CNTN3: variants seen among roughly 807,000 people sequenced by gnomAD.
CNTN3 encodes contactin 3, also known as contactin-3.
Under a neutral mutation model 119.1 loss-of-function variants are expected in CNTN3, and 60 were observed. The ratio of observed to expected loss-of-function variants is 0.50; its 90% confidence interval spans 0.41 to 0.62. The LOEUF (loss-of-function observed/expected upper bound fraction) is 0.62, where lower values mean the gene tolerates loss of function less well. Among genes scored for constraint, CNTN3 ranks in the 20% least tolerant of loss-of-function variants. CNTN3 has a pLI of 0.00. For missense variants in CNTN3, 1,101 were observed against 1,242.4 expected, an observed-to-expected ratio of 0.89 and a Z score of 1.71; for synonymous variants, 450 against 438.7, an observed-to-expected ratio of 1.03 and a Z score of -0.32.
intron 13 of CNTN3, among the ~76,000 whole-genome samples, chr3:74,326,433 G>T (rs549332881): frequency 6.6e-6 from 1 of 151,950 alleles, no homozygotes; most frequent in Non-Finnish European, 1.5e-5. Flanking sequence ...AATAATTAGC[G>T]CATCTGTCAC....
chr3:74,472,956 C>G (rs1702591543), intron 4 of CNTN3, among the ~76,000 whole-genome samples: 1 of 152,002 alleles, frequency 6.6e-6, no homozygotes, highest in African/African-American at 2.4e-5. Context: ...TCAGATATAG[C>G]CAGCCACTCT....
intron 1 of CNTN3, among the ~76,000 whole-genome samples, chr3:74,585,079 C>T (rs553551630): frequency 6.6e-6 from 1 of 152,082 alleles, no homozygotes; most frequent in Non-Finnish European, 1.5e-5. Flanking sequence ...GTGTTTCCAC[C>T]ATTTTATAAT....
chr3:74,481,455 GT>G (rs1702762252), intron 4 of CNTN3, among the ~76,000 whole-genome samples: 1 of 151,896 alleles, frequency 6.6e-6, no homozygotes, highest in African/African-American at 2.4e-5. Context: ...AAGATGACTA[GT>G]AAAACTCCAC....
intron 5 of CNTN3, among the ~76,000 whole-genome samples, chr3:74,407,291 G>A (rs1166805471): frequency 1.0e-4 from 13 of 126,000 alleles, no homozygotes; most frequent in East Asian, 2.5e-4. Flanking sequence ...TTTTTGAGAC[G>A]GAGTCTCACT....
rs576987195 is a variant in CNTN3, at chr3:74,286,763, G to C, written c.2518-1272C>G. Reference sequence around the variant, plus strand: ...AAGGCAAATCCACTCCAGGGGAGAGGGTTGTTAAGACTGAATTGTGGTTCT... The same window carrying C: ...AAGGCAAATCCACTCCAGGGGAGAGCGTTGTTAAGACTGAATTGTGGTTCT... On this transcript the variant is annotated intron_variant, in intron 19 of 22. Coordinates refer to ENST00000263665, the MANE Select transcript of CNTN3 (RefSeq NM_020872.3). Among the ~76,000 whole-genome samples the C allele has an allele frequency of 3.9e-5, 6 of 152,300 alleles. No homozygotes were observed. The East Asian group carries it at 1.2e-3, about 29-fold the overall frequency.
chr3:74,371,794 A>C (rs1704345494), intron 5 of CNTN3, among the ~76,000 whole-genome samples: 1 of 152,108 alleles, frequency 6.6e-6, no homozygotes, highest in African/African-American at 2.4e-5. Context: ...GGCATCATGC[A>C]AAATTGCTTA....
intron 3 of CNTN3, among the ~76,000 whole-genome samples, chr3:74,499,091 T>A (rs1326445663): frequency 1.3e-5 from 2 of 151,132 alleles, no homozygotes; most frequent in Non-Finnish European, 3.0e-5. Flanking sequence ...ATACTTTGCA[T>A]GATATTTGAA....
chr3:74,336,674 A>G lies in CNTN3; in HGVS notation c.1365-16T>C. ...CAAAGAAATTCTAAAGCAAAGACAAATAAGATAAATAAATATATAATAGCC... is the reference window on the plus strand; with the variant it reads ...CAAAGAAATTCTAAAGCAAAGACAAGTAAGATAAATAAATATATAATAGCC... On this transcript the variant is annotated splice_polypyrimidine_tract_variant and intron_variant, in intron 11 of 22. Transcript: ENST00000263665. 1 of 1,575,882 alleles carries G rather than the reference A, an allele frequency of 6.3e-7. No individual in the cohort carries two copies. The highest frequency in any genetic ancestry group is 8.7e-7 in the Non-Finnish European group (1 of 1,156,036).
intron 13 of CNTN3, among the ~76,000 whole-genome samples, chr3:74,324,009 T>C (rs1703065946): frequency 6.6e-6 from 1 of 152,086 alleles, no homozygotes; most frequent in Non-Finnish European, 1.5e-5. Flanking sequence ...CTTTCAGAGA[T>C]TTAAAAAAAA....
chr3:74,460,801 A>G (rs1304282513), intron 4 of CNTN3, among the ~76,000 whole-genome samples: 1 of 65,532 alleles, frequency 1.5e-5, no homozygotes, highest in Non-Finnish European at 3.2e-5. Context: ...ATATATATAT[A>G]TATATATATA....
intron 13 of CNTN3, among the ~76,000 whole-genome samples, chr3:74,321,636 C>A (rs978465591): frequency 3.3e-5 from 5 of 151,990 alleles, no homozygotes; most frequent in Non-Finnish European, 7.4e-5. Flanking sequence ...GCAATAAAAT[C>A]AATCATCTCT....
At chr3:74,349,632 CT>C (rs1324804612) in intron 11 of CNTN3, among the ~76,000 whole-genome samples, 1 of 152,154 alleles carries the variant, frequency 6.6e-6, no homozygotes, top group Admixed American at 6.5e-5. Flanking sequence ...GAGAAAGCTC[CT>C]TTTCCCCCAT....
chr3:74,523,720 A>T lies in CNTN3; in HGVS notation c.-80-2528T>A, dbSNP rs1308637918. 2.6e-5 allele frequency among the ~76,000 whole-genome samples: 4 copies of T among 151,900 alleles called. No homozygotes were observed. The East Asian group carries it at 7.8e-4, about 29-fold the overall frequency. On this transcript the variant is annotated intron_variant, in intron 1 of 22. Transcript: ENST00000263665. Reference sequence around the variant, plus strand: ...TATCATCCTCATCTTTAATATCAAAAACTATTCAAATAAATATATGAAGCT... The same window carrying T: ...TATCATCCTCATCTTTAATATCAAATACTATTCAAATAAATATATGAAGCT...
chr3:74,329,416 T>G (rs540365), intron 13 of CNTN3, among the ~76,000 whole-genome samples: 96,282 of 152,044 alleles, frequency 0.63, 31,014 homozygotes, highest in Middle Eastern at 0.74. Flanking sequence ...GCTCTAGACA[T>G]TCTTTATTTC....
At chr3:74,579,232 C>A (rs1422100111) in intron 1 of CNTN3, among the ~76,000 whole-genome samples, 3 of 151,844 alleles carry the variant, frequency 2.0e-5, no homozygotes, top group Non-Finnish European at 1.5e-5. Context: ...AGGCACCTAA[C>A]AACAATGCTT....
chr3:74,595,850 CAGG>C (rs1313475162), intron 1 of CNTN3, among the ~76,000 whole-genome samples: 1 of 152,080 alleles, frequency 6.6e-6, no homozygotes, highest in African/African-American at 2.4e-5. Context: ...GGCAATTAGG[CAGG>C]AGAAGGAAAT....
chr3:74,477,772 T>G (rs747648127), intron 4 of CNTN3, among the ~76,000 whole-genome samples: 1 of 152,102 alleles, frequency 6.6e-6, no homozygotes, highest in Non-Finnish European at 1.5e-5. Context: ...TATTACACAT[T>G]GTATGTCTGT....
At chr3:74,412,463 C>T (rs1392935960) in intron 5 of CNTN3, among the ~76,000 whole-genome samples, 2 of 152,094 alleles carry the variant, frequency 1.3e-5, no homozygotes, top group South Asian at 4.1e-4. Context: ...TAATTAGCTT[C>T]GTTTGGAATT....
intron 3 of CNTN3, 140 bp from the exon 4 acceptor site, chr3:74,486,771 G>A (rs1702867507): frequency 1.5e-6 from 1 of 646,134 alleles, no homozygotes; most frequent in African/African-American, 1.9e-5. Context: ...CATAACTGAA[G>A]ATCAAATATG....
Sources: allele counts gnomAD v4.1 joint callset (sites outside exome capture counted in the v4.1 genomes callset), GRCh38; gene constraint gnomAD v4.1.1; transcripts MANE v1.5; gene names NCBI Gene and HGNC (gene_info 2026-07-23, HGNC 2026-07-21).